The following FAT3 variants were observed in gnomAD, a reference collection of about 807,000 sequenced individuals.
FAT3 encodes FAT atypical cadherin 3.
Under a neutral mutation model 310.2 loss-of-function variants are expected in FAT3, and 95 were observed. The observed-to-expected ratio is 0.31, with a 90% CI of 0.26 to 0.36. The LOEUF is 0.36. FAT3 is among the 10% of genes least tolerant of loss of function. The pLI, the probability that FAT3 is intolerant of heterozygous loss-of-function variation, is 1.00. For missense variants in FAT3, 5,408 were observed against 5,715.6 expected (o/e 0.95, Z 1.74); for synonymous variants, 2,314 against 2,192.9 (o/e 1.06, Z -1.54).
chr11:92,495,560 G>T, intron 2 of FAT3, among the ~76,000 whole-genome samples: 1 of 152,180 alleles, frequency 6.6e-6, no homozygotes. Flanking sequence ...CCATTGATCA[G>T]CTTTGAAAGT....
intron 3 of FAT3, among the ~76,000 whole-genome samples, chr11:92,634,642 G>A (rs1388105247): frequency 1.3e-5 from 2 of 152,174 alleles, no homozygotes; most frequent in Non-Finnish European, 2.9e-5. Flanking sequence ...TTCCTCAGCT[G>A]GGGCCAGTTA....
At chr11:92,884,104 A>G (rs1362061810) in intron 24 of FAT3, among the ~76,000 whole-genome samples, 2 of 152,260 alleles carry the variant, frequency 1.3e-5, no homozygotes, top group East Asian at 1.9e-4. Context: ...ACACAGCAAC[A>G]TTCTAGGCAC....
At position 92,800,862 on chromosome 11, in the gene FAT3, C is replaced by T. The variant is rs770782386; in HGVS notation, c.7849C>T (p.His2617Tyr). 1 of 1,613,370 alleles carries T rather than the reference C, an allele frequency of 6.2e-7. No homozygotes were observed. Among genetic ancestry groups the T allele is most frequent in the Non-Finnish European group, 8.5e-7 (1 of 1,179,688 alleles). ...ASVRADVGRG[H>Y]LVTQVQAIDP... ...TGTCAGGGCAGATGTTGGAAGGGGCCACTTGGTCACTCAAGTTCAAGCCAT... is the reference window on the plus strand; with the variant it reads ...TGTCAGGGCAGATGTTGGAAGGGGCTACTTGGTCACTCAAGTTCAAGCCAT... The change falls in exon 10 of 28, where the codon CAC becomes TAC. Residue 2617 changes from histidine (H) to tyrosine (Y), a missense_variant. Transcript: ENST00000525166.
chr11:92,248,781 G>A (rs1865027626), intron 1 of FAT3, among the ~76,000 whole-genome samples: 1 of 152,054 alleles, frequency 6.6e-6, no homozygotes, highest in Admixed American at 6.6e-5. Context: ...AAGGCATATA[G>A]TTTCTGTTAA....
chr11:92,700,161 A>G (rs1049077336), intron 4 of FAT3, among the ~76,000 whole-genome samples: 10 of 152,216 alleles, frequency 6.6e-5, no homozygotes, highest in Non-Finnish European at 1.0e-4. Flanking sequence ...GTGACAGGCA[A>G]CATTCAGTAG....
chr11:92,781,075 C>CTTTTTTTTTTTTT (rs10649331), intron 7 of FAT3, among the ~76,000 whole-genome samples: 1 of 121,982 alleles, frequency 8.2e-6, no homozygotes. Flanking sequence ...TTTCTTTATT[C>CTTTTTTTTTTTTT]TTTTTTTTTT....
chr11:92,486,687 A>G (rs1434722838), intron 2 of FAT3, among the ~76,000 whole-genome samples: 1 of 152,112 alleles, frequency 6.6e-6, no homozygotes, highest in Non-Finnish European at 1.5e-5. Context: ...TCTCTATTGT[A>G]TCTTCCACTC....
At chr11:92,570,858 A>T (rs2135502898) in intron 3 of FAT3, among the ~76,000 whole-genome samples, 1 of 152,250 alleles carries the variant, frequency 6.6e-6, no homozygotes, top group African/African-American at 2.4e-5. Context: ...GCAAGATATG[A>T]TTTCAGTGTC....
chr11:92,509,569 G>T (rs116706840), intron 2 of FAT3, among the ~76,000 whole-genome samples: 2,760 of 152,282 alleles, frequency 0.018, 48 homozygotes, highest in African/African-American at 0.045. Context: ...GTATATGGCA[G>T]TGATGGAGGA....
At chr11:92,541,209 T>C (rs917723241) in intron 3 of FAT3, among the ~76,000 whole-genome samples, 5 of 152,142 alleles carry the variant, frequency 3.3e-5, no homozygotes, top group African/African-American at 1.2e-4. Context: ...TATTATCCAT[T>C]CCAAGGATGG....
intron 1 of FAT3, among the ~76,000 whole-genome samples, chr11:92,317,796 C>T (rs1947502172): frequency 6.6e-6 from 1 of 152,164 alleles, no homozygotes; most frequent in South Asian, 2.1e-4. Flanking sequence ...TATTCTGAAC[C>T]TGCTGGTCTT....
At chr11:92,308,419 T>G (rs777675502) in intron 1 of FAT3, among the ~76,000 whole-genome samples, 1 of 152,204 alleles carries the variant, frequency 6.6e-6, no homozygotes, top group Admixed American at 6.6e-5. Context: ...GGATGTTGTT[T>G]TATCTCTGGG....
chr11:92,717,184 T>A (rs1392533434), intron 4 of FAT3, among the ~76,000 whole-genome samples: 22 of 152,148 alleles, frequency 1.4e-4, no homozygotes, highest in Admixed American at 1.4e-3. Context: ...CGTCAAAAAA[T>A]CCTCCATGTT....
rs1160535955 is a variant in FAT3 at position 92,831,669 on chromosome 11, G to T, written c.9529G>T (p.Val3177Phe). 3 of 1,613,394 alleles carry T rather than the reference G, an allele frequency of 1.9e-6. No homozygotes were observed. The highest frequency in any genetic ancestry group is 2.5e-6 in the Non-Finnish European group (3 of 1,179,764). ...VYSLADSAGG[V>F]FSIDSSSGII... The stretch of plus-strand genomic sequence containing the variant: ...CTCCCTGGCAGACTCAGCTGGTGGG[G>T]TCTTCTCCATTGACAGCTCATCTGG... Residue 3177 changes from valine to phenylalanine, a missense_variant, in exon 14 of 28, where the codon GTC becomes TTC. Val to Phe is a conservative substitution (Grantham distance 50, BLOSUM62 -1). Around this residue, in one of 5 missense-constraint regions of FAT3, gnomAD observed 4,588 missense variants for 4,809.8 expected, o/e 0.95. Transcript: ENST00000525166.
intron 2 of FAT3, among the ~76,000 whole-genome samples, chr11:92,371,422 G>C (rs1949183620): frequency 6.6e-6 from 1 of 151,550 alleles, no homozygotes; most frequent in African/African-American, 2.4e-5. Context: ...TACCTCCTTA[G>C]GGGCTGTAAG....
chr11:92,252,845 G>A (rs954989521), intron 1 of FAT3, among the ~76,000 whole-genome samples: 1 of 152,090 alleles, frequency 6.6e-6, no homozygotes, highest in Non-Finnish European at 1.5e-5. Context: ...TCCTCCAGTA[G>A]CAATATGATT....
chr11:92,694,674 TAG>T (rs1943888387), intron 3 of FAT3, among the ~76,000 whole-genome samples: 1 of 152,104 alleles, frequency 6.6e-6, no homozygotes, highest in Non-Finnish European at 1.5e-5. Flanking sequence ...CCTGTGATGA[TAG>T]AGAGTCCCCA....
rs186653904 is a variant in FAT3, at chr11:92,639,135, T to C, written c.3608-58249T>C. Among the ~76,000 whole-genome samples, 415 of 152,322 alleles carry C rather than the reference T, an allele frequency of 2.7e-3. 1 individual carries two copies. Among genetic ancestry groups the C allele is most frequent in the African/African-American group, 9.4e-3 (392 of 41,572 alleles). On this transcript the variant is annotated intron_variant, in intron 3 of 27. Coordinates refer to ENST00000525166, the MANE Select transcript of FAT3 (RefSeq NM_001367949.2). Reference sequence around the variant, plus strand: ...GCTGACTTCCAGACCAAATCTTCTCTTGGTCAGGAATCAACCATCTAGCCC... The same window carrying C: ...GCTGACTTCCAGACCAAATCTTCTCCTGGTCAGGAATCAACCATCTAGCCC...
At chr11:92,764,355 G>T (rs913712922) in intron 5 of FAT3, among the ~76,000 whole-genome samples, 1 of 152,120 alleles carries the variant, frequency 6.6e-6, no homozygotes, top group Admixed American at 6.5e-5. Context: ...ATCCTGTGCT[G>T]CTATCAATCA....
Sources: allele counts gnomAD v4.1 joint callset (sites outside exome capture counted in the v4.1 genomes callset), GRCh38; gene constraint gnomAD v4.1.1; regional missense constraint gnomAD v4.1.1; transcripts MANE v1.5; gene names NCBI Gene and HGNC (gene_info 2026-07-23, HGNC 2026-07-21).